The following DISC1 variants were observed in gnomAD, a reference collection of about 807,000 sequenced individuals.
DISC1 encodes the protein DISC1 scaffold protein.
Under a neutral mutation model 84.5 loss-of-function variants are expected in DISC1, and 57 were observed. The ratio of observed to expected loss-of-function variants is 0.67; its 90% CI spans 0.55 to 0.84. DISC1 has a LOEUF of 0.84. Ranked by LOEUF, DISC1 falls within the 40% of genes least tolerant of loss-of-function variation. The pLI is 0.00. For synonymous variants in DISC1, 411 were observed against 415.2 expected (o/e 0.99, Z 0.12); for missense variants, 1,000 against 1,057.8 (o/e 0.95, Z 0.76).
chr1:232,012,288 C>G (rs1002695282), intron 11 of DISC1, among the ~76,000 whole-genome samples: 2 of 152,114 alleles, frequency 1.3e-5, no homozygotes, highest in Non-Finnish European at 2.9e-5. Flanking sequence ...AAGAAGTAGA[C>G]ATGAGCAATG....
At chr1:231,950,993 G>A (rs990821651) in intron 9 of DISC1, among the ~76,000 whole-genome samples, 1 of 152,198 alleles carries the variant, frequency 6.6e-6, no homozygotes, top group African/African-American at 2.4e-5. Context: ...GGAAGCAACA[G>A]CCACACACCA....
intron 10 of DISC1, among the ~76,000 whole-genome samples, chr1:231,960,187 A>G (rs1201283589): frequency 2.6e-5 from 4 of 152,176 alleles, no homozygotes; most frequent in Admixed American, 1.3e-4. Context: ...TTTAAATACC[A>G]TATGTAAAGC....
rs952214516 is a variant in DISC1 at position 231,630,852 on chromosome 1, A to G, written c.67+3918A>G. On this transcript the variant is annotated intron_variant, in intron 1 of 12. Coordinates refer to ENST00000439617, the MANE Select transcript of DISC1 (RefSeq NM_018662.3). This position sits in a 1 kb window ranked among gnomAD's most constrained non-coding sequence, Gnocchi z 4.4. ...CGAAGACTTTGCAATGAGCTTTCAA[A>G]TGTTCACACCAAGTAGAAGCAGGAA... 6.6e-6 allele frequency among the ~76,000 whole-genome samples: 1 copy of G among 152,148 alleles called. No homozygotes were observed. The highest frequency in any genetic ancestry group is 2.4e-5 in the African/African-American group (1 of 41,416).
At chr1:231,843,096 T>TA (rs1190222878) in intron 9 of DISC1, among the ~76,000 whole-genome samples, 1 of 152,030 alleles carries the variant, frequency 6.6e-6, no homozygotes, top group Non-Finnish European at 1.5e-5. Flanking sequence ...TACAGTCAGA[T>TA]AAGTGTATGA....
intron 4 of DISC1, among the ~76,000 whole-genome samples, chr1:231,755,832 CA>C (rs2075058182): frequency 6.6e-6 from 1 of 152,210 alleles, no homozygotes; most frequent in African/African-American, 2.4e-5. Flanking sequence ...TCACTTGTCT[CA>C]CCTGCACGTC....
Position 231,905,460 on chromosome 1 carries a change from T to A in DISC1, c.1982-53368T>A, listed in dbSNP as rs562568957. 2.8e-4 allele frequency among the ~76,000 whole-genome samples: 41 copies of A among 147,832 alleles called. No individual in the cohort carries two copies. In the South Asian group the frequency reaches 8.2e-3, roughly 30 times the overall value. ...ATAGTGAGACCCCCGTCTCCACAAA[T>A]TTTTTTTTTTAATTAGCCTGGCGTG... On this transcript the variant is annotated intron_variant, in intron 9 of 12. Transcript: ENST00000439617.
At chr1:231,919,732 T>C (rs975438828) in intron 9 of DISC1, among the ~76,000 whole-genome samples, 3 of 152,238 alleles carry the variant, frequency 2.0e-5, no homozygotes, top group South Asian at 4.1e-4. Flanking sequence ...GCTATTGTGG[T>C]CTCACAATAC....
rs528909495 is a variant in DISC1, at chr1:231,804,266, A to G, written c.1792+4056A>G. Among the ~76,000 whole-genome samples the G allele has an allele frequency of 4.1e-4, 63 of 152,292 alleles. 1 individual carries two copies. In the South Asian group the frequency reaches 4.6e-3, roughly 11 times the overall value. ...TCAAAGAGTTTCAGTGCCATGCTCT[A>G]AAAAGTGCCACAGTATTTATTGAGA... On this transcript the variant is annotated intron_variant, in intron 8 of 12. Coordinates refer to ENST00000439617, the MANE Select transcript of DISC1 (RefSeq NM_018662.3).
At chr1:231,929,060 AT>A (rs1345396715) in intron 9 of DISC1, among the ~76,000 whole-genome samples, 1 of 152,164 alleles carries the variant, frequency 6.6e-6, no homozygotes, top group Admixed American at 6.5e-5. Flanking sequence ...AGTTCTGTAG[AT>A]GTCTATTGCG....
intron 10 of DISC1, among the ~76,000 whole-genome samples, chr1:231,976,900 A>G (rs1185093169): frequency 6.6e-6 from 1 of 152,204 alleles, no homozygotes; most frequent in African/African-American, 2.4e-5. Context: ...ATATCTGTGC[A>G]TCGGATAATC....
chr1:231,918,938 A>C (rs923300298), intron 9 of DISC1, among the ~76,000 whole-genome samples: 2 of 152,218 alleles, frequency 1.3e-5, no homozygotes, highest in African/African-American at 4.8e-5. Flanking sequence ...TGTTTGCTAC[A>C]TTCCATTCCC....
At chr1:231,770,150 C>T (rs1336879913) in intron 5 of DISC1, among the ~76,000 whole-genome samples, 2 of 152,102 alleles carry the variant, frequency 1.3e-5, no homozygotes, top group Admixed American at 1.3e-4. Flanking sequence ...ATCATATGGG[C>T]AGTGAGACGA....
At chr1:231,786,123 A>G (rs929082203) in intron 6 of DISC1, among the ~76,000 whole-genome samples, 5 of 152,146 alleles carry the variant, frequency 3.3e-5, no homozygotes, top group African/African-American at 9.7e-5. Flanking sequence ...TCTATTATCA[A>G]TGTTATCTGG....
chr1:231,675,861 T>G lies in DISC1; in HGVS notation c.68-17965T>G, dbSNP rs1297544191. On this transcript the variant is annotated intron_variant, in intron 1 of 12. Coordinates refer to ENST00000439617, the MANE Select transcript of DISC1 (RefSeq NM_018662.3). This position sits in a 1 kb window ranked among gnomAD's most constrained non-coding sequence, Gnocchi z 4.1. ...TTTGTTTTTTCTTTTCTTTTTTTTT[T>G]TTTTTTGACACAGAATTCCCACTGT... Among the ~76,000 whole-genome samples the G allele has an allele frequency of 6.6e-6, 1 of 151,570 alleles. No individual in the cohort carries two copies. The highest frequency in any genetic ancestry group is 1.5e-5 in the Non-Finnish European group (1 of 67,836).
At position 232,036,995 on chromosome 1, in the gene DISC1, A is replaced by T; in HGVS notation, c.*164A>T. 1.5e-6 allele frequency: 1 copy of T among 666,436 alleles called. No homozygotes were observed. The highest frequency in any genetic ancestry group is 4.1e-5 in the Admixed American group (1 of 24,492). 41.3% of individuals were successfully genotyped at this position (666,436 alleles called of 1,614,324 possible). A position where few individuals can be genotyped will look rare whatever the true frequency, so the allele number is the denominator to read the frequency against. The stretch of plus-strand genomic sequence containing the variant: ...TCATGTTCATTCTCATCAGTGTGAA[A>T]CTGAGGAGTCTGCAATTTGGAATAT... On this transcript the variant is annotated 3_prime_UTR_variant, in exon 13 of 13. Transcript: ENST00000439617.
chr1:231,878,596 C>T (rs1574376992), intron 9 of DISC1, among the ~76,000 whole-genome samples: 2 of 152,054 alleles, frequency 1.3e-5, no homozygotes, highest in East Asian at 3.9e-4. Flanking sequence ...ATATAAAGGG[C>T]AATGGAAAGT....
chr1:231,980,224 G>A (rs1365394912), intron 10 of DISC1, among the ~76,000 whole-genome samples: 1 of 152,144 alleles, frequency 6.6e-6, no homozygotes, highest in Non-Finnish European at 1.5e-5. Flanking sequence ...CAAAAGGTGT[G>A]GGACTAAACA....
intron 1 of DISC1, among the ~76,000 whole-genome samples, chr1:231,684,382 CAT>C (rs961392139): frequency 2.6e-5 from 4 of 152,062 alleles, no homozygotes; most frequent in African/African-American, 9.7e-5. Flanking sequence ...TATAATTACA[CAT>C]AGGTTTTACA....
At chr1:231,879,645 G>A (rs2086148708) in intron 9 of DISC1, among the ~76,000 whole-genome samples, 1 of 151,678 alleles carries the variant, frequency 6.6e-6, no homozygotes, top group African/African-American at 2.4e-5. Context: ...GTGGGGAAAT[G>A]GCTGATGGGC....
Sources: allele counts gnomAD v4.1 joint callset (sites outside exome capture counted in the v4.1 genomes callset), GRCh38; gene constraint gnomAD v4.1.1; non-coding constraint Gnocchi (gnomAD v3.1); transcripts MANE v1.5; gene names NCBI Gene and HGNC (gene_info 2026-07-23, HGNC 2026-07-21).